Variants in DENND1A observed in about 807,000 individuals in gnomAD.
The protein encoded by DENND1A is DENN domain-containing protein 1A.
DENND1A carries 51 observed loss-of-function variants against 113.7 expected under a neutral mutation model. The observed-to-expected ratio is 0.45, with a 90% CI of 0.36 to 0.57. The LOEUF is 0.57. DENND1A is among the 20% of genes least tolerant of loss of function. The pLI is 0.00. For synonymous variants in DENND1A, 565 were observed against 570.8 expected (o/e 0.99, Z 0.14); for missense variants, 1,258 against 1,395.9 (o/e 0.90, Z 1.57).
chr9:123,912,342 T>C (rs1000204698), intron 1 of DENND1A, among the ~76,000 whole-genome samples: 5 of 152,162 alleles, frequency 3.3e-5, no homozygotes, highest in Non-Finnish European at 7.3e-5. Context: ...ATGAGTCCCC[T>C]GGGTTTTTCC....
chr9:123,589,745 C>CGGA (rs1242047780), intron 11 of DENND1A, among the ~76,000 whole-genome samples: 1 of 151,798 alleles, frequency 6.6e-6, no homozygotes, highest in East Asian at 1.9e-4. Context: ...GGCACTTTCC[C>CGGA]ATATATATTG....
At chr9:123,385,715 C>G (rs1026234817) in intron 22 of DENND1A, among the ~76,000 whole-genome samples, 1 of 152,188 alleles carries the variant, frequency 6.6e-6, no homozygotes, top group Non-Finnish European at 1.5e-5. Flanking sequence ...ACACCCCCAC[C>G]TTATGGATGA....
chr9:123,413,669 A>G (rs2044487470), intron 19 of DENND1A: 2 of 985,340 alleles, frequency 2.0e-6, no homozygotes, highest in Admixed American at 1.2e-4. Context: ...GGCTTCCCAG[A>G]TCCTATGCCA....
At chr9:123,751,639 GA>G (rs1206759399) in intron 5 of DENND1A, 1 of 152,308 alleles carries the variant, frequency 6.6e-6, no homozygotes, top group African/African-American at 2.4e-5. Flanking sequence ...GCACGCCCCA[GA>G]AGCACTCACA....
chr9:123,830,873 G>GAAAAAAAAAAAAAAAAAAAAAA (rs71390447), intron 2 of DENND1A, among the ~76,000 whole-genome samples: 8 of 39,310 alleles, frequency 2.0e-4, no homozygotes, highest in East Asian at 9.1e-4. Context: ...TCTCAAAAAT[G>GAAAAAAAAAAAAAAAAAAAAAA]AAAAAAAAAA....
At chr9:123,597,985 C>T (rs1351116761) in intron 11 of DENND1A, among the ~76,000 whole-genome samples, 1 of 152,176 alleles carries the variant, frequency 6.6e-6, no homozygotes, top group Non-Finnish European at 1.5e-5. Context: ...CCAGTAGCAG[C>T]CAGGAGGACT....
chr9:123,899,845 T>G (rs1851325503), intron 1 of DENND1A, among the ~76,000 whole-genome samples: 2 of 152,246 alleles, frequency 1.3e-5, no homozygotes, highest in Admixed American at 1.3e-4. Context: ...ATTGGGACAC[T>G]ATAAATTTCT....
chr9:123,519,425 G>C (rs892665678), intron 13 of DENND1A, among the ~76,000 whole-genome samples: 4 of 145,794 alleles, frequency 2.7e-5, no homozygotes, highest in African/African-American at 1.0e-4. Flanking sequence ...GCTGGGCTGG[G>C]TCCTCATATC....
At chr9:123,490,580 CTCCA>C (rs1412604037) in intron 13 of DENND1A, among the ~76,000 whole-genome samples, 1 of 151,782 alleles carries the variant, frequency 6.6e-6, no homozygotes, top group Non-Finnish European at 1.5e-5. Context: ...CATAGCAAGA[CTCCA>C]TCTAAAAATA....
chr9:123,925,529 T>G (rs189785807), intron 1 of DENND1A, among the ~76,000 whole-genome samples: 80 of 152,304 alleles, frequency 5.3e-4, no homozygotes, highest in African/African-American at 1.9e-3. Context: ...AAGGGATTGT[T>G]TTTGTTTTAC....
chr9:123,468,304 C>G (rs958813873), intron 13 of DENND1A, among the ~76,000 whole-genome samples: 2 of 152,170 alleles, frequency 1.3e-5, no homozygotes, highest in Non-Finnish European at 2.9e-5. Context: ...GTTCACAGAT[C>G]TCATCCTTGG....
chr9:123,659,614 T>C (rs574650283), intron 8 of DENND1A, among the ~76,000 whole-genome samples: 1 of 152,344 alleles, frequency 6.6e-6, no homozygotes, highest in Non-Finnish European at 1.5e-5. Context: ...ACATTGTCCT[T>C]GGAACGCTAC....
chr9:123,557,195 C>T (rs2057468041), intron 13 of DENND1A, among the ~76,000 whole-genome samples: 1 of 152,224 alleles, frequency 6.6e-6, no homozygotes, highest in Admixed American at 6.5e-5. Flanking sequence ...GTTTCTCTTC[C>T]CTGAGTCTTG....
At chr9:123,429,962 A>G (rs2046015394) in intron 19 of DENND1A, among the ~76,000 whole-genome samples, 1 of 152,236 alleles carries the variant, frequency 6.6e-6, no homozygotes, top group Non-Finnish European at 1.5e-5. Context: ...CAAAGGCCTA[A>G]TATCCAGAGT....
chr9:123,411,925 C>T, intron 19 of DENND1A, 96 bp from the exon 20 acceptor site: 1 of 850,352 alleles, frequency 1.2e-6, no homozygotes, highest in Non-Finnish European at 1.4e-6. Flanking sequence ...GTCACCTAAG[C>T]CAGAGCCAGA....
intron 10 of DENND1A, among the ~76,000 whole-genome samples, chr9:123,629,508 T>C (rs554437618): frequency 6.6e-6 from 1 of 152,254 alleles, no homozygotes; most frequent in African/African-American, 2.4e-5. Flanking sequence ...TGAGCTACCA[T>C]GAGCCAGCTT....
At chr9:123,435,428 T>G (rs2046445913) in intron 19 of DENND1A, among the ~76,000 whole-genome samples, 1 of 152,172 alleles carries the variant, frequency 6.6e-6, no homozygotes, top group Non-Finnish European at 1.5e-5. Flanking sequence ...CCTGCCACAG[T>G]TCTCTGGAAG....
intron 19 of DENND1A, among the ~76,000 whole-genome samples, chr9:123,412,240 C>G (rs2044363061): frequency 6.6e-6 from 1 of 152,218 alleles, no homozygotes; most frequent in Non-Finnish European, 1.5e-5. Flanking sequence ...CCCACACAGA[C>G]CTTTCTCAAC....
chr9:123,484,410 C>G (rs1343693420), intron 13 of DENND1A, among the ~76,000 whole-genome samples: 5 of 152,148 alleles, frequency 3.3e-5, no homozygotes, highest in African/African-American at 1.2e-4. Flanking sequence ...TGGTACTGTC[C>G]CTCCCCTGCT....
Sources: gnomAD v4.1 joint callset for allele counts (sites outside exome capture counted in the v4.1 genomes callset) on GRCh38, gnomAD v4.1.1 for gene constraint, MANE v1.5 for transcripts, NCBI Gene and HGNC (gene_info 2026-07-23, HGNC 2026-07-21) for gene names.